The following NALF1 variants were observed in gnomAD, a reference collection of about 807,000 sequenced individuals.
NALF1 encodes NALCN channel auxiliary factor 1, also known as family with sequence similarity 155 member A.
NALF1 carries 3 observed loss-of-function variants against 48.4 expected under a neutral mutation model. The observed-to-expected ratio is 0.06, with a 90% CI of 0.03 to 0.16. The LOEUF (loss-of-function observed/expected upper bound fraction) is 0.16, where lower values mean the gene tolerates loss of function less well. NALF1 is among the 10% of genes least tolerant of loss of function. NALF1 has a pLI of 1.00. For synonymous variants in NALF1, 262 were observed against 245.7 expected (o/e 1.07, Z -0.62); for missense variants, 526 against 571.5 (o/e 0.92, Z 0.81).
chr13:107,701,051 C>T (rs993516774), intron 1 of NALF1, among the ~76,000 whole-genome samples: 1 of 152,096 alleles, frequency 6.6e-6, no homozygotes, highest in Non-Finnish European at 1.5e-5. Context: ...TAGGTTGATA[C>T]AGCCATTGTG....
At chr13:107,197,373 A>G (rs1879413536) in intron 2 of NALF1, among the ~76,000 whole-genome samples, 1 of 152,208 alleles carries the variant, frequency 6.6e-6, no homozygotes, top group Admixed American at 6.5e-5. Context: ...TAAAAAGAGC[A>G]TAGAAAAGCA....
At chr13:107,826,813 T>G (rs1304044020) in intron 1 of NALF1, among the ~76,000 whole-genome samples, 1 of 152,170 alleles carries the variant, frequency 6.6e-6, no homozygotes, top group Non-Finnish European at 1.5e-5. Flanking sequence ...CTAATCGAAC[T>G]CTCTTAGCCT....
chr13:107,274,586 A>T (rs905482272), intron 1 of NALF1, among the ~76,000 whole-genome samples: 25 of 151,394 alleles, frequency 1.7e-4, no homozygotes, highest in Admixed American at 4.0e-4. Flanking sequence ...TAATTAATTT[A>T]AAAAAAAATA....
At chr13:107,771,246 T>TG (rs1221776342) in intron 1 of NALF1, among the ~76,000 whole-genome samples, 7 of 117,528 alleles carry the variant, frequency 6.0e-5, no homozygotes, top group Non-Finnish European at 1.2e-4. Flanking sequence ...TATTTTAACA[T>TG]GTTGTGTGTG....
chr13:107,535,183 C>G lies in NALF1; in HGVS notation c.916-324428G>C, dbSNP rs537371711. Among the ~76,000 whole-genome samples the G allele has an allele frequency of 7.6e-3, 1,158 of 152,142 alleles. 15 individuals are homozygous for G. The highest frequency in any genetic ancestry group is 0.026 in the African/African-American group (1,096 of 41,520). On this transcript the variant is annotated intron_variant, in intron 1 of 2. Coordinates refer to ENST00000375915, the MANE Select transcript of NALF1 (RefSeq NM_001080396.3). ...TGAATACCCTTTATATCTTTCTCCT[C>G]CCTGATTGCCCTGGCCAGAACTTCC...
chr13:107,721,432 G>A (rs2138527762), intron 1 of NALF1, among the ~76,000 whole-genome samples: 1 of 152,116 alleles, frequency 6.6e-6, no homozygotes, highest in Non-Finnish European at 1.5e-5. Context: ...ACCTACAGAT[G>A]GATTTTCAAT....
At chr13:107,714,314 G>C (rs1270108064) in intron 1 of NALF1, among the ~76,000 whole-genome samples, 1 of 152,032 alleles carries the variant, frequency 6.6e-6, no homozygotes, top group African/African-American at 2.4e-5. Context: ...CTGCTTCCTG[G>C]CTTCACACCA....
intron 1 of NALF1, among the ~76,000 whole-genome samples, chr13:107,353,695 A>G (rs1217339603): frequency 2.6e-5 from 4 of 152,214 alleles, no homozygotes; most frequent in African/African-American, 9.6e-5. Flanking sequence ...TGAGATAATA[A>G]ATTTGTGTTG....
chr13:107,627,735 G>A (rs1320597882), intron 1 of NALF1, among the ~76,000 whole-genome samples: 1 of 151,994 alleles, frequency 6.6e-6, no homozygotes, highest in Non-Finnish European at 1.5e-5. Flanking sequence ...TCATCCCATA[G>A]GCTATTATTA....
intron 1 of NALF1, among the ~76,000 whole-genome samples, chr13:107,513,878 T>C (rs1159865259): frequency 6.6e-6 from 1 of 152,158 alleles, no homozygotes; most frequent in African/African-American, 2.4e-5. Flanking sequence ...AGGGCATAGT[T>C]TTTCAAAGAC....
At chr13:107,394,361 G>A (rs570959290) in intron 1 of NALF1, among the ~76,000 whole-genome samples, 7 of 152,240 alleles carry the variant, frequency 4.6e-5, no homozygotes, top group South Asian at 2.1e-4. Context: ...GCAAATAATA[G>A]GGTTATTTTT....
chr13:107,593,756 T>C (rs1477404977), intron 1 of NALF1, among the ~76,000 whole-genome samples: 1 of 151,408 alleles, frequency 6.6e-6, no homozygotes, highest in Non-Finnish European at 1.5e-5. Context: ...ACTGCATATC[T>C]AGAAAAATAT....
intron 1 of NALF1, among the ~76,000 whole-genome samples, chr13:107,555,349 T>C (rs1424373897): frequency 3.3e-5 from 5 of 151,576 alleles, no homozygotes; most frequent in Non-Finnish European, 7.4e-5. Flanking sequence ...CTCAGCTCAC[T>C]GCAACCTCCG....
Position 107,866,659 on chromosome 13 carries a change from A to G in NALF1, c.-63T>C. 1 of 1,371,000 alleles carries G rather than the reference A, an allele frequency of 7.3e-7. No homozygotes were observed. Among genetic ancestry groups the G allele is most frequent in the South Asian group, 1.3e-5 (1 of 77,662 alleles). 84.9% of individuals were successfully genotyped at this position (1,371,000 alleles called of 1,614,324 possible). ...AGGGCGCCTGTGCCGGTGTCACCAC[A>G]ATATGCATTGACTTAAAGGGTTTAA... On this transcript the variant is annotated 5_prime_UTR_variant, in exon 1 of 3. Transcript: ENST00000375915. The surrounding 1 kb of genome is among the most constrained non-coding windows in gnomAD (Gnocchi z 4.4).
chr13:107,661,565 A>T (rs192396397), intron 1 of NALF1, among the ~76,000 whole-genome samples: 1 of 152,278 alleles, frequency 6.6e-6, no homozygotes, highest in Admixed American at 6.5e-5. Flanking sequence ...GCTTCCTAAC[A>T]AATAAAAGCA....
intron 1 of NALF1, among the ~76,000 whole-genome samples, chr13:107,700,392 A>G (rs775810525): frequency 2.0e-5 from 3 of 148,992 alleles, no homozygotes; most frequent in Non-Finnish European, 3.0e-5. Flanking sequence ...TGAACATAAT[A>G]TGGGAAAATA....
chr13:107,675,476 T>C (rs1881094593), intron 1 of NALF1, among the ~76,000 whole-genome samples: 2 of 152,246 alleles, frequency 1.3e-5, no homozygotes, highest in Non-Finnish European at 2.9e-5. Context: ...ATCTTCATCA[T>C]GTTGCATTAT....
At chr13:107,643,864 G>C (rs1420741962) in intron 1 of NALF1, among the ~76,000 whole-genome samples, 1 of 151,932 alleles carries the variant, frequency 6.6e-6, no homozygotes, top group Admixed American at 6.6e-5. Flanking sequence ...GATCCAGGTG[G>C]GTCAGAGCTT....
At chr13:107,260,012 T>C (rs1880899189) in intron 1 of NALF1, among the ~76,000 whole-genome samples, 1 of 152,208 alleles carries the variant, frequency 6.6e-6, no homozygotes. Context: ...TTAGTGGTAT[T>C]TGAAGAGAGG....
Sources: gnomAD v4.1 joint callset for allele counts (sites outside exome capture counted in the v4.1 genomes callset) on GRCh38, gnomAD v4.1.1 for gene constraint, Gnocchi (gnomAD v3.1) non-coding constraint, MANE v1.5 for transcripts, NCBI Gene and HGNC (gene_info 2026-07-23, HGNC 2026-07-21) for gene names.